UBXN7: variants seen among roughly 807,000 people sequenced by gnomAD.
UBXN7 encodes the protein UBX domain-containing protein 7.
A neutral mutation model predicts 58.0 loss-of-function variants in UBXN7; 9 were observed. The ratio of observed to expected loss-of-function variants is 0.16; its 90% CI spans 0.09 to 0.27. The LOEUF (loss-of-function observed/expected upper bound fraction) is 0.27. Ranked by LOEUF, UBXN7 falls within the 10% of genes least tolerant of loss-of-function variation. UBXN7 has a pLI of 1.00. For missense variants in UBXN7, 328 were observed against 599.6 expected (o/e 0.55, Z 4.73); for synonymous variants, 208 against 205.0 (o/e 1.01, Z -0.12).
At chr3:196,379,092 T>A (rs2108838093) in intron 5 of UBXN7, among the ~76,000 whole-genome samples, 1 of 136,598 alleles carries the variant, frequency 7.3e-6, no homozygotes, top group Non-Finnish European at 1.6e-5. Context: ...CCAGCTTCTT[T>A]CCATGTTGGT....
At chr3:196,419,376 C>A (rs1209811983) in intron 1 of UBXN7, among the ~76,000 whole-genome samples, 1 of 152,122 alleles carries the variant, frequency 6.6e-6, no homozygotes, top group Non-Finnish European at 1.5e-5. Flanking sequence ...TAGTGAACTG[C>A]AAGAGCGTTC....
chr3:196,383,619 C>G (rs1383311998), intron 5 of UBXN7, among the ~76,000 whole-genome samples: 4 of 152,182 alleles, frequency 2.6e-5, no homozygotes, highest in Non-Finnish European at 5.9e-5. Flanking sequence ...ACAGTGCAAT[C>G]AAATTAGAAC....
chr3:196,412,036 C>A (rs987391865), intron 1 of UBXN7, among the ~76,000 whole-genome samples: 2 of 151,718 alleles, frequency 1.3e-5, no homozygotes, highest in Non-Finnish European at 2.9e-5. Context: ...CGAGACCAGC[C>A]TGGCCAACAG....
Position 196,352,924 on chromosome 3 carries a change from T to C in UBXN7, c.*3761A>G, listed in dbSNP as rs1343874432. 3.3e-5 allele frequency: 5 copies of C among 151,864 alleles called. No homozygotes were observed. The highest frequency in any genetic ancestry group is 6.6e-5 in the Admixed American group (1 of 15,260). 9.4% of individuals were successfully genotyped at this position (151,864 alleles called of 1,614,324 possible). A position where few individuals can be genotyped will look rare whatever the true frequency, so the allele number is the denominator to read the frequency against. ...AAATGTTTAAAAAAAGAAAAAATTG[T>C]TTTTTTACCCTTTTCATTTATTCTT... is the stretch of plus-strand genomic sequence containing the variant. On this transcript the variant is annotated 3_prime_UTR_variant, in exon 11 of 11. Coordinates refer to ENST00000296328, the MANE Select transcript of UBXN7 (RefSeq NM_015562.2). This position sits in a 1 kb window ranked among gnomAD's most constrained non-coding sequence, Gnocchi z 4.1.
Position 196,352,172 on chromosome 3 carries a change from G to C in UBXN7, c.*4513C>G, listed in dbSNP as rs756671352. Reference sequence around the variant, plus strand: ...CCTTTTTCTAAGTTTGAACTAATAGGTAAACATTTACATGCTCTCCAATTA... The same window carrying C: ...CCTTTTTCTAAGTTTGAACTAATAGCTAAACATTTACATGCTCTCCAATTA... On this transcript the variant is annotated 3_prime_UTR_variant, in exon 11 of 11. Transcript: ENST00000296328. The surrounding 1 kb of genome is among the most constrained non-coding windows in gnomAD (Gnocchi z 4.1). The C allele has an allele frequency of 6.6e-6, 1 of 152,120 alleles. No homozygotes were observed. Among genetic ancestry groups the C allele is most frequent in the African/African-American group, 2.4e-5 (1 of 41,404 alleles). 9.4% of individuals were successfully genotyped at this position (152,120 alleles called of 1,614,324 possible).
intron 10 of UBXN7, among the ~76,000 whole-genome samples, chr3:196,358,389 TG>T (rs1180343688): frequency 6.6e-6 from 1 of 152,198 alleles, no homozygotes; most frequent in Non-Finnish European, 1.5e-5. Flanking sequence ...AAATCTTCAC[TG>T]GAACATACCT....
At chr3:196,370,659 T>C (rs2108832506) in intron 6 of UBXN7, among the ~76,000 whole-genome samples, 1 of 151,912 alleles carries the variant, frequency 6.6e-6, no homozygotes, top group East Asian at 1.9e-4. Flanking sequence ...ATAGCATATC[T>C]TACAGTAGGG....
In UBXN7 at chr3:196,401,298, T is replaced by TACAC. The variant is rs71630187; in HGVS notation, c.289+1650_289+1653dup. 3.8e-3 allele frequency among the ~76,000 whole-genome samples: 237 copies of TACAC among 61,634 alleles called. 2 individuals are homozygous for TACAC. The highest frequency in any genetic ancestry group is 0.014 in the Middle Eastern group (1 of 72). 40.4% of individuals were successfully genotyped at this position (61,634 alleles called of 152,430 possible). ...AAATATATATATATATATATATATA[T>TACAC]ACACACACACACACACACACACATA... On this transcript the variant is annotated intron_variant, in intron 3 of 10. Coordinates refer to ENST00000296328, the MANE Select transcript of UBXN7 (RefSeq NM_015562.2).
intron 3 of UBXN7, among the ~76,000 whole-genome samples, chr3:196,395,453 A>T (rs1045616801): frequency 2.7e-5 from 4 of 150,728 alleles, no homozygotes; most frequent in Admixed American, 6.6e-5. Context: ...GTTTTATTTT[A>T]TTTTTTTTTG....
At chr3:196,370,336 A>G (rs1433506009) in intron 6 of UBXN7, among the ~76,000 whole-genome samples, 1 of 151,594 alleles carries the variant, frequency 6.6e-6, no homozygotes, top group Middle Eastern at 3.2e-3. Context: ...CTATAGTCCC[A>G]GCAACTCAGG....
intron 5 of UBXN7, among the ~76,000 whole-genome samples, chr3:196,377,815 T>C (rs1042283728): frequency 6.6e-6 from 1 of 151,896 alleles, no homozygotes; most frequent in Non-Finnish European, 1.5e-5. Context: ...GGACCACAGG[T>C]GTGCACCACC....
At position 196,417,270 on chromosome 3, in the gene UBXN7, C is replaced by T. The variant is rs1013723074; in HGVS notation, c.74-9877G>A. Among the ~76,000 whole-genome samples, 6 of 152,224 alleles carry T rather than the reference C, an allele frequency of 3.9e-5. No individual in the cohort carries two copies. In the South Asian group the frequency reaches 1.2e-3, roughly 32 times the overall value. ...GAGCTTGCAGTGAGCCGAGATCGCG[C>T]GACTGCACTCCAGCCTGGGAGACAG... is the stretch of plus-strand genomic sequence containing the variant. On this transcript the variant is annotated intron_variant, in intron 1 of 10. Transcript: ENST00000296328.
At chr3:196,390,086 G>A (rs1729530006) in intron 5 of UBXN7, among the ~76,000 whole-genome samples, 2 of 152,060 alleles carry the variant, frequency 1.3e-5, no homozygotes, top group African/African-American at 4.8e-5. Flanking sequence ...AGGTGTGGTA[G>A]TGGGTGTCTG....
At chr3:196,411,562 A>G (rs1264115793) in intron 1 of UBXN7, among the ~76,000 whole-genome samples, 1 of 152,260 alleles carries the variant, frequency 6.6e-6, no homozygotes, top group East Asian at 1.9e-4. Flanking sequence ...CTGTAATCCC[A>G]GCACTTTGAG....
chr3:196,404,504 C>T (rs559192004), intron 2 of UBXN7, among the ~76,000 whole-genome samples: 6 of 152,204 alleles, frequency 3.9e-5, no homozygotes, highest in East Asian at 3.9e-4. Context: ...CCTCGTGATC[C>T]GCCCACCTCG....
Position 196,350,081 on chromosome 3 carries a change from G to A in UBXN7, c.*6604C>T, listed in dbSNP as rs1728176841. On this transcript the variant is annotated 3_prime_UTR_variant, in exon 11 of 11. Coordinates refer to ENST00000296328, the MANE Select transcript of UBXN7 (RefSeq NM_015562.2). ...ATAGATTAATCTGTGATTGCTCTTG[G>A]GAAAAATACTATCATTGGTATTTGC... The A allele has an allele frequency of 1.3e-5, 2 of 152,142 alleles. No homozygotes were observed. The highest frequency in any genetic ancestry group is 4.8e-5 in the African/African-American group (2 of 41,416). The allele number at this position is 152,142 out of a possible 1,614,324, so 9.4% of individuals were successfully genotyped here.
At chr3:196,407,540 A>T (rs1730199445) in intron 1 of UBXN7, 147 bp from the exon 2 acceptor site, 1 of 1,211,306 alleles carries the variant, frequency 8.3e-7, no homozygotes, top group African/African-American at 1.5e-5. Flanking sequence ...ACACAGAGCT[A>T]GAAAAAAATG....
At chr3:196,386,893 C>T (rs1315057037) in intron 5 of UBXN7, among the ~76,000 whole-genome samples, 1 of 152,148 alleles carries the variant, frequency 6.6e-6, no homozygotes, top group Non-Finnish European at 1.5e-5. Context: ...AAAAAGAGCC[C>T]ACATTGCCAA....
intron 1 of UBXN7, among the ~76,000 whole-genome samples, chr3:196,408,617 A>G (rs1730234290): frequency 6.6e-6 from 1 of 152,022 alleles, no homozygotes; most frequent in Admixed American, 6.6e-5. Flanking sequence ...CTTGGTGGTA[A>G]ATGCTCTTAA....
Sources: gnomAD v4.1 joint callset for allele counts (sites outside exome capture counted in the v4.1 genomes callset) on GRCh38, gnomAD v4.1.1 for gene constraint, Gnocchi (gnomAD v3.1) non-coding constraint, MANE v1.5 for transcripts, NCBI Gene and HGNC (gene_info 2026-07-23, HGNC 2026-07-21) for gene names.